The following IMPACT variants were observed in gnomAD, a reference collection of about 807,000 sequenced individuals.
IMPACT encodes the protein protein IMPACT.
A neutral mutation model predicts 47.5 loss-of-function variants in IMPACT; 35 were observed. The observed-to-expected ratio is 0.74, with a 90% CI of 0.56 to 0.98. IMPACT has a LOEUF of 0.98. Ranked by LOEUF, IMPACT falls within the 50% of genes least tolerant of loss-of-function variation. The pLI is 0.00. For synonymous variants in IMPACT, 118 were observed against 125.6 expected (o/e 0.94, Z 0.40); for missense variants, 373 against 394.8 (o/e 0.94, Z 0.47).
chr18:24,432,375 T>C (rs1244358511), intron 4 of IMPACT, among the ~76,000 whole-genome samples: 1 of 152,216 alleles, frequency 6.6e-6, no homozygotes, highest in Non-Finnish European at 1.5e-5. Flanking sequence ...GACTGTATTA[T>C]ATGTTCTAGG....
rs1313234279 is a variant in IMPACT, at chr18:24,427,946, A to G, written c.64A>G (p.Ile22Val). ...QNEEIEAMAA[I>V]YGEEWCVIDD... ...TGAGGAAATTGAAGCAATGGCAGCC[A>G]TTTATGGCGAGGAGTGGTGTGTCAT... The change falls in exon 2 of 11, where the codon ATT (isoleucine) becomes GTT (valine). Residue 22 changes from isoleucine to valine, a missense_variant. Ile to Val is a conservative substitution (Grantham distance 29). Coordinates refer to ENST00000284202, the MANE Select transcript of IMPACT (RefSeq NM_018439.4). The G allele has an allele frequency of 6.3e-7, 1 of 1,598,346 alleles. No individual in the cohort carries two copies. The highest frequency in any genetic ancestry group is 8.5e-7 in the Non-Finnish European group (1 of 1,175,980).
chr18:24,448,167 T>G lies in IMPACT; in HGVS notation c.743T>G (p.Leu248Arg), dbSNP rs142976239. ...DDGETAAGGR[L>R]LHLMEILNVK... is the part of the protein sequence containing the mutation. ...GGGGAAACAGCAGCTGGTGGGCGTCTTCTTCATCTCATGGAGGTAGGTGTA... is the reference window on the plus strand; with the variant it reads ...GGGGAAACAGCAGCTGGTGGGCGTCGTCTTCATCTCATGGAGGTAGGTGTA... Residue 248 changes from leucine to arginine, a missense_variant, in exon 9 of 11, where the codon CTT becomes CGT. Leu to Arg is a moderately radical substitution (Grantham distance 102). Transcript: ENST00000284202. 115 of 1,612,500 alleles carry G rather than the reference T, an allele frequency of 7.1e-5. No homozygotes were observed. Among genetic ancestry groups the G allele is most frequent in the Middle Eastern group, 3.3e-4 (2 of 6,058 alleles).
intron 4 of IMPACT, among the ~76,000 whole-genome samples, chr18:24,431,695 T>C (rs895006929): frequency 6.6e-6 from 1 of 151,572 alleles, no homozygotes; most frequent in Admixed American, 6.6e-5. Context: ...ATTTTTTTAA[T>C]TAAAATTTTT....
chr18:24,451,763 G>A lies in IMPACT; in HGVS notation c.*916G>A, dbSNP rs1909393530. 1.3e-5 allele frequency: 2 copies of A among 152,178 alleles called. No homozygotes were observed. Among genetic ancestry groups the A allele is most frequent in the African/African-American group, 4.8e-5 (2 of 41,442 alleles). The allele number at this position is 152,178 out of a possible 1,614,324, so 9.4% of individuals were successfully genotyped here. A position where few individuals can be genotyped will look rare whatever the true frequency, so the allele number is the denominator to read the frequency against. On this transcript the variant is annotated 3_prime_UTR_variant, in exon 11 of 11. Transcript: ENST00000284202. ...ACCTGGTGTAGGGCAGGAGTATGTT[G>A]TGTAGTTACATCAATTTGATGCATG... is the stretch of plus-strand genomic sequence containing the variant.
rs1445947522 is a variant in IMPACT, at chr18:24,453,258, T to G, written c.*2411T>G. On this transcript the variant is annotated 3_prime_UTR_variant, in exon 11 of 11. Coordinates refer to ENST00000284202, the MANE Select transcript of IMPACT (RefSeq NM_018439.4). ...ACTAATTACAACCAAGAAATAATAG[T>G]ATGAAGCGGATGCTGTTTGGAGGAC... 6.6e-6 allele frequency: 1 copy of G among 152,210 alleles called. No homozygotes were observed. Among genetic ancestry groups the G allele is most frequent in the Non-Finnish European group, 1.5e-5 (1 of 68,032 alleles). 9.4% of individuals were successfully genotyped at this position (152,210 alleles called of 1,614,324 possible).
At position 24,451,395 on chromosome 18, in the gene IMPACT, C is replaced by T. The variant is rs1468110349; in HGVS notation, c.*548C>T. 6.6e-6 allele frequency: 1 copy of T among 152,096 alleles called. No individual in the cohort carries two copies. The highest frequency in any genetic ancestry group is 1.5e-5 in the Non-Finnish European group (1 of 68,034). 9.4% of individuals were successfully genotyped at this position (152,096 alleles called of 1,614,324 possible). On this transcript the variant is annotated 3_prime_UTR_variant, in exon 11 of 11. Transcript: ENST00000284202. ...TTGAGTAATGGATTAAGTGAAAATC[C>T]AGGAGTATCCATCTGCAGTTATGTG...
chr18:24,426,976 C>T lies in IMPACT; in HGVS notation c.36+184C>T, dbSNP rs551719107. 1.3e-3 allele frequency: 537 copies of T among 422,076 alleles called. 2 individuals carry two copies. The highest frequency in any genetic ancestry group is 9.4e-3 in the African/African-American group (460 of 48,948). 26.1% of individuals were successfully genotyped at this position (422,076 alleles called of 1,614,324 possible). A position where few individuals can be genotyped will look rare whatever the true frequency, so the allele number is the denominator to read the frequency against. On this transcript the variant is annotated intron_variant, in intron 1 of 10. Coordinates refer to ENST00000284202, the MANE Select transcript of IMPACT (RefSeq NM_018439.4). Reference sequence around the variant, plus strand: ...TCCCGTCGGCCGAGCGCTCTTAGGCCGGCGGCTCCTCGGCGGCCGCGGTCT... The same window carrying T: ...TCCCGTCGGCCGAGCGCTCTTAGGCTGGCGGCTCCTCGGCGGCCGCGGTCT...
chr18:24,426,730 C>T lies in IMPACT; in HGVS notation c.-27C>T, dbSNP rs369502189. 4,213 of 1,245,344 alleles carry T rather than the reference C, an allele frequency of 3.4e-3. 122 individuals are homozygous for T. The African/African-American group carries it at 0.058, about 17-fold the overall frequency. 77.1% of individuals were successfully genotyped at this position (1,245,344 alleles called of 1,614,324 possible). On this transcript the variant is annotated 5_prime_UTR_variant, in exon 1 of 11. Transcript: ENST00000284202. ...CCCGCGCTCCGGACCTGGCAGGCGG[C>T]GGCTGCAGGGCAGGTCCAGGGGCCA...
intron 4 of IMPACT, among the ~76,000 whole-genome samples, chr18:24,434,270 AG>A (rs1475585349): frequency 2.0e-5 from 3 of 152,142 alleles, no homozygotes; most frequent in African/African-American, 7.2e-5. Context: ...GGATCACTGG[AG>A]TCCAGGAGGT....
chr18:24,443,562 A>T (rs1209254981), intron 7 of IMPACT, among the ~76,000 whole-genome samples: 1 of 152,230 alleles, frequency 6.6e-6, no homozygotes, highest in African/African-American at 2.4e-5. Context: ...CCATTGTGTT[A>T]TTAGAGAAAA....
At chr18:24,432,560 G>A (rs1343168030) in intron 4 of IMPACT, among the ~76,000 whole-genome samples, 3 of 152,038 alleles carry the variant, frequency 2.0e-5, no homozygotes, top group Non-Finnish European at 2.9e-5. Flanking sequence ...TAGTGATTCC[G>A]TCATCCTTGG....
chr18:24,428,308 AT>A (rs1445257667), intron 2 of IMPACT, among the ~76,000 whole-genome samples: 1 of 152,176 alleles, frequency 6.6e-6, no homozygotes, highest in Non-Finnish European at 1.5e-5. Context: ...GCTTCCCTTC[AT>A]TATTCTCTTC....
At position 24,430,326 on chromosome 18, in the gene IMPACT, C is replaced by T. The variant is rs749423848; in HGVS notation, c.223C>T (p.Pro75Ser). The change falls in exon 4 of 11, where the codon CCT becomes TCT. Residue 75 changes from proline (P) to serine (S), a missense_variant. Physicochemically the swap from Pro to Ser is moderately conservative, Grantham distance 74 (BLOSUM62 -1). Transcript: ENST00000284202. ...TAPPIYQLNA[P>S]WLKGQERADL... Reference sequence around the variant, plus strand: ...AATTGTTTTATTTAATCTTAGTGCTCCTTGGCTTAAAGGGCAAGAACGTGC... The same window carrying T: ...AATTGTTTTATTTAATCTTAGTGCTTCTTGGCTTAAAGGGCAAGAACGTGC... The T allele has an allele frequency of 1.3e-6, 2 of 1,591,806 alleles. No individual in the cohort carries two copies. The highest frequency in any genetic ancestry group is 1.8e-5 in the Admixed American group (1 of 55,144).
intron 4 of IMPACT, among the ~76,000 whole-genome samples, chr18:24,432,648 C>T (rs534340885): frequency 6.6e-6 from 1 of 151,946 alleles, no homozygotes; most frequent in East Asian, 1.9e-4. Flanking sequence ...AACTTTTGTG[C>T]CCCCAACAAA....
chr18:24,439,581 G>A (rs1300602614), intron 5 of IMPACT: 2 of 148,732 alleles, frequency 1.3e-5, no homozygotes, highest in Admixed American at 6.8e-5. Flanking sequence ...AGCCTGCAGT[G>A]AGCCGAGATC....
At chr18:24,450,027 T>A in intron 10 of IMPACT, 74 bp downstream of exon 10, 1 of 1,485,114 alleles carries the variant, frequency 6.7e-7, no homozygotes, top group Non-Finnish European at 9.4e-7. Flanking sequence ...GACAGAAAAT[T>A]AAGAATGAAT....
chr18:24,436,237 T>A (rs1436537450), intron 4 of IMPACT, among the ~76,000 whole-genome samples: 1 of 152,192 alleles, frequency 6.6e-6, no homozygotes, highest in East Asian at 1.9e-4. Context: ...TTTTGTTCTT[T>A]AAAAATTTTA....
At chr18:24,439,652 A>AT (rs1347344674) in intron 5 of IMPACT, 117 of 152,118 alleles carry the variant, frequency 7.7e-4, no homozygotes, top group African/African-American at 2.8e-3. Flanking sequence ...AAAAAAAAAA[A>AT]AAAAAAAGAA....
At chr18:24,437,926 A>T in intron 4 of IMPACT, 29 bp from the exon 5 acceptor site, 9 of 1,052,610 alleles carry the variant, frequency 8.6e-6, no homozygotes, top group South Asian at 2.8e-5. Context: ...TGAAATAACA[A>T]TTTTTTTTTT....
Sources: gnomAD v4.1 joint callset for allele counts (sites outside exome capture counted in the v4.1 genomes callset) on GRCh38, gnomAD v4.1.1 for gene constraint, MANE v1.5 for transcripts, NCBI Gene and HGNC (gene_info 2026-07-23, HGNC 2026-07-21) for gene names.